The following GCH1 variants were observed in gnomAD, a reference collection of about 807,000 sequenced individuals.
GCH1 encodes the protein GTP cyclohydrolase 1, also known as GTP cyclohydrolase I.
In GCH1, 5 loss-of-function variants were observed where a neutral mutation model predicts 25.9. The ratio of observed to expected loss-of-function variants is 0.19; its 90% CI spans 0.10 to 0.41. GCH1 has a LOEUF of 0.41. Among genes scored for constraint, GCH1 ranks in the 10% least tolerant of loss-of-function variants. The pLI is 1.00. For missense variants in GCH1, 261 were observed against 336.5 expected (o/e 0.78, Z 1.75); for synonymous variants, 159 against 129.6 (o/e 1.23, Z -1.54).
At chr14:54,873,593 G>A (rs146123422) in intron 1 of GCH1, among the ~76,000 whole-genome samples, 30,337 of 150,616 alleles carry the variant, frequency 0.2, 2,512 homozygotes, top group African/African-American at 0.23. Flanking sequence ...TTGATAGACC[G>A]CTAGCAAGAC....
chr14:54,843,105 T>A lies in GCH1; in HGVS notation c.*912A>T. On this transcript the variant is annotated 3_prime_UTR_variant, in exon 6 of 6. Coordinates refer to ENST00000491895, the MANE Select transcript of GCH1 (RefSeq NM_000161.3). Reference sequence around the variant, plus strand: ...GTTTCTGGAAATACTTAGAAAAATATCTTATAAGATTAAAAAAAAGAAGAA... The same window carrying A: ...GTTTCTGGAAATACTTAGAAAAATAACTTATAAGATTAAAAAAAAGAAGAA... The A allele has an allele frequency of 2.0e-6, 3 of 1,474,006 alleles. No homozygotes were observed. The highest frequency in any genetic ancestry group is 1.2e-5 in the South Asian group (1 of 83,156). The allele number at this position is 1,474,006 out of a possible 1,614,324, so 91.3% of individuals were successfully genotyped here. A position where few individuals can be genotyped will look rare whatever the true frequency, so the allele number is the denominator to read the frequency against.
rs941682193 is a variant in GCH1, at chr14:54,843,139, ATT to A, written c.*876_*877del. ...ATTAAAAAAAAGAAGAAGAAGAAAC[ATT>A]TTGAGGCATCTACATGGATCACACA... On this transcript the variant is annotated 3_prime_UTR_variant, in exon 6 of 6. Transcript: ENST00000491895. The A allele has an allele frequency of 7.0e-5, 106 of 1,523,708 alleles. No homozygotes were observed. The Admixed American group carries it at 2.1e-3, about 30-fold the overall frequency. 94.4% of individuals were successfully genotyped at this position (1,523,708 alleles called of 1,614,324 possible).
chr14:54,881,068 G>A (rs111537263), intron 1 of GCH1, among the ~76,000 whole-genome samples: 31,896 of 150,908 alleles, frequency 0.21, 3,440 homozygotes, highest in African/African-American at 0.24. Flanking sequence ...CAGGTGATCC[G>A]CCCTCCTCAG....
At chr14:54,856,133 T>C (rs7155309) in intron 3 of GCH1, among the ~76,000 whole-genome samples, 33,072 of 152,102 alleles carry the variant, frequency 0.22, 3,742 homozygotes, top group East Asian at 0.36. Flanking sequence ...GCTCCTACCC[T>C]CTGACTGGTC....
chr14:54,871,032 G>C (rs547343572), intron 1 of GCH1, among the ~76,000 whole-genome samples: 4 of 152,312 alleles, frequency 2.6e-5, no homozygotes, highest in South Asian at 2.1e-4. Context: ...TGAGATCTGA[G>C]AATGGACAGA....
chr14:54,868,815 T>C (rs2040026032), intron 1 of GCH1, among the ~76,000 whole-genome samples: 1 of 152,052 alleles, frequency 6.6e-6, no homozygotes, highest in Non-Finnish European at 1.5e-5. Flanking sequence ...CCAGCCAGGA[T>C]GGTCTCGATC....
At chr14:54,858,228 G>T (rs1023404757) in intron 3 of GCH1, among the ~76,000 whole-genome samples, 2 of 152,026 alleles carry the variant, frequency 1.3e-5, no homozygotes, top group Admixed American at 1.3e-4. Context: ...AAAGAAACAG[G>T]AACACATCAG....
intron 3 of GCH1, 123 bp from the exon 4 acceptor site, chr14:54,847,253 T>C (rs2039656963): frequency 7.6e-6 from 4 of 527,286 alleles, no homozygotes; most frequent in Non-Finnish European, 1.1e-5. Flanking sequence ...ATAAAGCTTA[T>C]GGCAAGATGA....
intron 1 of GCH1, among the ~76,000 whole-genome samples, chr14:54,879,148 C>T (rs1173413550): frequency 6.6e-6 from 1 of 152,086 alleles, no homozygotes; most frequent in Admixed American, 6.5e-5. Flanking sequence ...CAGCTGGGCA[C>T]AGTGGTTCAC....
intron 1 of GCH1, among the ~76,000 whole-genome samples, chr14:54,869,181 G>C (rs1319647064): frequency 6.6e-6 from 1 of 151,802 alleles, no homozygotes; most frequent in Non-Finnish European, 1.5e-5. Context: ...TGGGACTACA[G>C]GCACGTGCCA....
At chr14:54,866,448 A>G (rs1594990292) in intron 1 of GCH1, among the ~76,000 whole-genome samples, 1 of 152,002 alleles carries the variant, frequency 6.6e-6, no homozygotes, top group African/African-American at 2.4e-5. Context: ...CATTTTCGGA[A>G]AATAAATATA....
rs113999505 is a variant in GCH1, at chr14:54,880,874, G to A, written c.344-15438C>T. Among the ~76,000 whole-genome samples, 247 of 128,886 alleles carry A rather than the reference G, an allele frequency of 1.9e-3. 17 individuals carry two copies. The highest frequency in any genetic ancestry group is 9.0e-3 in the African/African-American group (239 of 26,678). The allele number at this position is 128,886 out of a possible 152,430, so 84.6% of individuals were successfully genotyped here. Reference sequence around the variant, plus strand: ...ATATATATATACTCCATAATATATGGAGTGTAATGCTGCAATCTCGGCTTA... The same window carrying A: ...ATATATATATACTCCATAATATATGAAGTGTAATGCTGCAATCTCGGCTTA... On this transcript the variant is annotated intron_variant, in intron 1 of 5. Coordinates refer to ENST00000491895, the MANE Select transcript of GCH1 (RefSeq NM_000161.3).
At position 54,849,082 on chromosome 14, in the gene GCH1, T is replaced by C. The variant is rs538192349; in HGVS notation, c.510-1952A>G. On this transcript the variant is annotated intron_variant, in intron 3 of 5. Transcript: ENST00000491895. The stretch of plus-strand genomic sequence containing the variant: ...AACCATGTTTTGCTCCACACTTCAA[T>C]AGGAATGCCTCTAGGATTTCACTAC... Among the ~76,000 whole-genome samples the C allele has an allele frequency of 8.0e-4, 122 of 152,356 alleles. 1 individual carries two copies. The highest frequency in any genetic ancestry group is 2.4e-3 in the African/African-American group (99 of 41,584).
rs1248902049 is a variant in GCH1, at chr14:54,902,789, G to A, written c.-126C>T. 9 of 1,207,250 alleles carry A rather than the reference G, an allele frequency of 7.5e-6. No homozygotes were observed. Among genetic ancestry groups the A allele is most frequent in the Middle Eastern group, 3.0e-4 (1 of 3,310 alleles). The allele number at this position is 1,207,250 out of a possible 1,614,324, so 74.8% of individuals were successfully genotyped here. A position where few individuals can be genotyped will look rare whatever the true frequency, so the allele number is the denominator to read the frequency against. On this transcript the variant is annotated 5_prime_UTR_variant, in exon 1 of 6. Coordinates refer to ENST00000491895, the MANE Select transcript of GCH1 (RefSeq NM_000161.3). ...GTCACCTGAGGAAGGTACGCAACCT[G>A]CTTAGATCACACTCCGAGCCGGGAG...
chr14:54,869,669 C>T (rs1229384409), intron 1 of GCH1, among the ~76,000 whole-genome samples: 1 of 151,928 alleles, frequency 6.6e-6, no homozygotes, highest in African/African-American at 2.4e-5. Context: ...TAGTAGGGAT[C>T]GGGTTTCTCC....
intron 1 of GCH1, among the ~76,000 whole-genome samples, chr14:54,871,195 T>C (rs1260455833): frequency 6.6e-6 from 1 of 152,132 alleles, no homozygotes; most frequent in Non-Finnish European, 1.5e-5. Flanking sequence ...TTCACCAATA[T>C]CCACTGTTCT....
Position 54,851,342 on chromosome 14 carries a change from C to T in GCH1, c.510-4212G>A, listed in dbSNP as rs576596456. Among the ~76,000 whole-genome samples the T allele has an allele frequency of 2.7e-3, 413 of 152,258 alleles. 2 individuals are homozygous for T. The highest frequency in any genetic ancestry group is 3.2e-3 in the Non-Finnish European group (218 of 68,012). On this transcript the variant is annotated intron_variant, in intron 3 of 5. Coordinates refer to ENST00000491895, the MANE Select transcript of GCH1 (RefSeq NM_000161.3). ...GACTTCATGACTAAAACACCAAAAG[C>T]AATGGCAACAAAAGCCAAAATTGAC...
intron 2 of GCH1, among the ~76,000 whole-genome samples, chr14:54,861,810 C>A (rs2039901117): frequency 6.6e-6 from 1 of 151,546 alleles, no homozygotes; most frequent in African/African-American, 2.4e-5. Context: ...CAGAAAGTAA[C>A]AGGATAAAAT....
chr14:54,847,047 A>G (rs2039653263), intron 4 of GCH1, 52 bp downstream of exon 4: 9 of 743,208 alleles, frequency 1.2e-5, no homozygotes, highest in Non-Finnish European at 1.1e-5. Context: ...AAAATTTAAA[A>G]AAAGAAAAAA....
Sources: gnomAD v4.1 joint callset for allele counts (sites outside exome capture counted in the v4.1 genomes callset) on GRCh38, gnomAD v4.1.1 for gene constraint, MANE v1.5 for transcripts, NCBI Gene and HGNC (gene_info 2026-07-23, HGNC 2026-07-21) for gene names.